Variants in SPARCL1 observed in about 807,000 individuals in gnomAD.
SPARCL1 encodes the protein SPARC like 1, also known as SPARC-like protein 1.
SPARCL1 carries 52 observed loss-of-function variants against 67.1 expected under a neutral mutation model. The observed-to-expected ratio is 0.78, with a 90% CI of 0.62 to 0.98. The LOEUF is 0.98. Ranked by LOEUF, SPARCL1 falls within the 50% of genes least tolerant of loss-of-function variation. The probability of loss-of-function intolerance (pLI) is 0.00; values close to 1 mark genes in which losing one functional copy is unlikely to be tolerated. For synonymous variants in SPARCL1, 226 were observed against 267.8 expected (o/e 0.84, Z 1.52); for missense variants, 717 against 782.4 (o/e 0.92, Z 1.00).
At chr4:87,498,805 T>C (rs932491958) in intron 2 of SPARCL1, among the ~76,000 whole-genome samples, 1 of 152,168 alleles carries the variant, frequency 6.6e-6, no homozygotes, top group Admixed American at 6.5e-5. Flanking sequence ...TTATAGACTC[T>C]CAAAATTTCT....
intron 1 of SPARCL1, among the ~76,000 whole-genome samples, chr4:87,527,237 G>A (rs576127092): frequency 7.2e-5 from 11 of 152,252 alleles, no homozygotes; most frequent in Non-Finnish European, 8.8e-5. Flanking sequence ...TGTGAGCCCC[G>A]TAAGAAACAG....
intron 10 of SPARCL1, among the ~76,000 whole-genome samples, chr4:87,478,012 C>G (rs903687063): frequency 1.3e-5 from 2 of 152,208 alleles, no homozygotes; most frequent in Admixed American, 1.3e-4. Flanking sequence ...ACTTTCACCT[C>G]TTCCTCTCTA....
At chr4:87,480,254 GT>G in intron 9 of SPARCL1, 117 bp downstream of exon 9, 1 of 803,094 alleles carries the variant, frequency 1.2e-6, no homozygotes, top group Non-Finnish European at 1.8e-6. Context: ...AGGCATTTCA[GT>G]ATTCTAAAAT....
chr4:87,513,161 T>C (rs750739495), intron 1 of SPARCL1, among the ~76,000 whole-genome samples: 1 of 152,254 alleles, frequency 6.6e-6, no homozygotes, highest in Non-Finnish European at 1.5e-5. Flanking sequence ...GATTTAGTTA[T>C]ACATTCCTTG....
At position 87,473,514 on chromosome 4, in the gene SPARCL1, G is replaced by C; in HGVS notation, c.*261C>G. The stretch of plus-strand genomic sequence containing the variant: ...TATCTCATAAGTCAATGCAGAGAGT[G>C]AAATTACTATGAATTAAACTTCTGT... On this transcript the variant is annotated 3_prime_UTR_variant, in exon 11 of 11. Coordinates refer to ENST00000282470, the MANE Select transcript of SPARCL1 (RefSeq NM_004684.6). 3.1e-6 allele frequency: 1 copy of C among 327,432 alleles called. No homozygotes were observed. The highest frequency in any genetic ancestry group is 5.5e-6 in the Non-Finnish European group (1 of 181,078). The allele number at this position is 327,432 out of a possible 1,614,324, so 20.3% of individuals were successfully genotyped here. A position where few individuals can be genotyped will look rare whatever the true frequency, so the allele number is the denominator to read the frequency against.
chr4:87,490,753 T>A lies in SPARCL1; in HGVS notation c.1410+7A>T. 1 of 1,556,444 alleles carries A rather than the reference T, an allele frequency of 6.4e-7. No homozygotes were observed. On this transcript the variant is annotated splice_region_variant and intron_variant, in intron 6 of 10. Coordinates refer to ENST00000282470, the MANE Select transcript of SPARCL1 (RefSeq NM_004684.6). Reference sequence around the variant, plus strand: ...GCCACTTAAAGACTATTTTGCAGAATACTTACTTGATCAAGGGGTTTTGTT... The same window carrying A: ...GCCACTTAAAGACTATTTTGCAGAAAACTTACTTGATCAAGGGGTTTTGTT...
At chr4:87,511,453 T>C (rs929635278) in intron 1 of SPARCL1, among the ~76,000 whole-genome samples, 6 of 152,170 alleles carry the variant, frequency 3.9e-5, no homozygotes, top group African/African-American at 1.4e-4. Context: ...CTTGGGTAGA[T>C]AGGTCTGGAG....
Position 87,490,829 on chromosome 4 carries a change from G to T in SPARCL1, c.1341C>A (p.Asp447Glu). Residue 447 changes from aspartate to glutamate, a missense_variant, in exon 6 of 11, where the codon GAC becomes GAA. Asp to Glu is a conservative substitution (Grantham distance 45). Transcript: ENST00000282470. ...AGACACAGTGAGGTTTTCCCTGTTGGTCTGCCTTACAGATGTGGCCTCTTT... is the reference window on the plus strand; with the variant it reads ...AGACACAGTGAGGTTTTCCCTGTTGTTCTGCCTTACAGATGTGGCCTCTTT... ...QCKRGHICKA[D>E]QQGKPHCVCQ... is the part of the protein sequence containing the mutation. 1 of 1,612,702 alleles carries T rather than the reference G, an allele frequency of 6.2e-7. No individual in the cohort carries two copies. The highest frequency in any genetic ancestry group is 8.5e-7 in the Non-Finnish European group (1 of 1,179,298).
chr4:87,520,100 C>T (rs1447602527), intron 1 of SPARCL1, among the ~76,000 whole-genome samples: 3 of 151,838 alleles, frequency 2.0e-5, no homozygotes, highest in Non-Finnish European at 2.9e-5. Flanking sequence ...ACTAGCCAGG[C>T]GTGGTGACAG....
At chr4:87,515,737 G>T (rs1052345131) in intron 1 of SPARCL1, among the ~76,000 whole-genome samples, 1 of 152,152 alleles carries the variant, frequency 6.6e-6, no homozygotes, top group African/African-American at 2.4e-5. Flanking sequence ...TCTATTGGCT[G>T]ACCCATGTAC....
chr4:87,505,124 A>G (rs1725021535), intron 1 of SPARCL1, among the ~76,000 whole-genome samples: 1 of 152,214 alleles, frequency 6.6e-6, no homozygotes, highest in Admixed American at 6.5e-5. Context: ...ACCTTGGGAA[A>G]GTCACTTGCC....
intron 7 of SPARCL1, among the ~76,000 whole-genome samples, chr4:87,485,536 T>G (rs1388075958): frequency 6.8e-6 from 1 of 146,368 alleles, no homozygotes; most frequent in East Asian, 2.0e-4. Context: ...TTTTTTTTTT[T>G]GTATATCCTT....
intron 7 of SPARCL1, among the ~76,000 whole-genome samples, chr4:87,485,282 C>G (rs1724002526): frequency 6.6e-6 from 1 of 151,946 alleles, no homozygotes. Flanking sequence ...TGAAGGGATA[C>G]TGAATTTTGT....
chr4:87,517,575 C>G lies in SPARCL1; in HGVS notation c.-12+11470G>C, dbSNP rs551913262. ...TTAATTTATTTGTTTCTCTACTACC[C>G]CTGTAATTTCTTTCCCCTGAATGCC... On this transcript the variant is annotated intron_variant, in intron 1 of 10. Coordinates refer to ENST00000282470, the MANE Select transcript of SPARCL1 (RefSeq NM_004684.6). 2.6e-5 allele frequency among the ~76,000 whole-genome samples: 4 copies of G among 152,230 alleles called. No homozygotes were observed. The East Asian group carries it at 7.7e-4, about 29-fold the overall frequency.
intron 2 of SPARCL1, chr4:87,497,159 G>A: frequency 1.0e-6 from 1 of 974,392 alleles, no homozygotes; most frequent in Non-Finnish European, 1.2e-6. Flanking sequence ...TGGGATTACA[G>A]ATGTGAGCCA....
intron 2 of SPARCL1, among the ~76,000 whole-genome samples, chr4:87,498,442 A>C (rs930652364): frequency 1.3e-5 from 2 of 152,198 alleles, no homozygotes; most frequent in African/African-American, 4.8e-5. Flanking sequence ...AAGGAGGCTG[A>C]TTCCTCCATT....
intron 8 of SPARCL1, among the ~76,000 whole-genome samples, 167 bp downstream of exon 8, chr4:87,482,257 C>T (rs60202847): frequency 0.035 from 5,367 of 152,154 alleles, 305 homozygotes; most frequent in African/African-American, 0.12. Flanking sequence ...AACCTTGTGG[C>T]GTGAATGGTG....
chr4:87,527,598 T>C (rs998668549), intron 1 of SPARCL1, among the ~76,000 whole-genome samples: 1 of 152,168 alleles, frequency 6.6e-6, no homozygotes, highest in African/African-American at 2.4e-5. Flanking sequence ...GATATGTGAA[T>C]CTGTGCCATG....
intron 1 of SPARCL1, among the ~76,000 whole-genome samples, chr4:87,501,786 G>C (rs1376488708): frequency 6.6e-6 from 1 of 151,986 alleles, no homozygotes; most frequent in African/African-American, 2.4e-5. Context: ...CATTTTATGT[G>C]TTAGTTCCTT....
Sources: gnomAD v4.1 joint callset for allele counts (sites outside exome capture counted in the v4.1 genomes callset) on GRCh38, gnomAD v4.1.1 for gene constraint, MANE v1.5 for transcripts, NCBI Gene and HGNC (gene_info 2026-07-23, HGNC 2026-07-21) for gene names.